PTK2: variants seen among roughly 807,000 people sequenced by gnomAD.
PTK2 encodes focal adhesion kinase 1.
A neutral mutation model predicts 150.1 loss-of-function variants in PTK2; 45 were observed. The observed-to-expected ratio is 0.30, with a 90% CI of 0.24 to 0.38. The LOEUF is 0.38. Ranked by LOEUF, PTK2 falls within the 10% of genes least tolerant of loss-of-function variation. The pLI is 1.00. For synonymous variants in PTK2, 432 were observed against 449.2 expected, an observed-to-expected ratio of 0.96 and a Z score of 0.48; for missense variants, 919 against 1,307.3, an observed-to-expected ratio of 0.70 and a Z score of 4.58.
intron 22 of PTK2, 83 bp from the exon 26 acceptor site, chr8:140,717,792 A>G: frequency 9.5e-7 from 1 of 1,051,042 alleles, no homozygotes; most frequent in Non-Finnish European, 1.5e-6. Flanking sequence ...TATCTAAGGA[A>G]CACCAGTTGG....
chr8:140,698,444 AAAT>A (rs752349716), intron 26 of PTK2, among the ~76,000 whole-genome samples: 1 of 152,188 alleles, frequency 6.6e-6, no homozygotes, highest in South Asian at 2.1e-4. Flanking sequence ...TAGTGGTAGT[AAAT>A]AATAACATAT....
intron 29 of PTK2, 68 bp from the exon 33 acceptor site, chr8:140,669,803 A>ATATT: frequency 6.9e-7 from 1 of 1,458,720 alleles, no homozygotes; most frequent in Non-Finnish European, 9.3e-7. Flanking sequence ...AAGAAAAACA[A>ATATT]TATTAATAAA....
chr8:140,839,016 CA>C (rs76386010), intron 7 of PTK2, among the ~76,000 whole-genome samples: 3 of 142,424 alleles, frequency 2.1e-5, no homozygotes, highest in African/African-American at 5.2e-5. Context: ...AAAAAAAAAA[CA>C]AAAAAAAAAC....
intron 5 of PTK2, among the ~76,000 whole-genome samples, chr8:140,847,744 C>G (rs565340719): frequency 2.0e-5 from 3 of 152,174 alleles, no homozygotes; most frequent in African/African-American, 7.2e-5. Context: ...AAACTATTTA[C>G]TCTGACCCTT....
chr8:140,676,699 G>A (rs1445513481), intron 27 of PTK2, among the ~76,000 whole-genome samples: 19 of 142,688 alleles, frequency 1.3e-4, no homozygotes, highest in Non-Finnish European at 2.7e-4. Flanking sequence ...AGGCTGAGGC[G>A]GGTGGATCAC....
Position 140,693,584 on chromosome 8 carries a change from A to T in PTK2, c.2500-6890T>A, listed in dbSNP as rs1242921472. ...TCAATTAAAAAAAAAAAAAAAAAAA[A>T]AAAAAAAAAAAAAAAAAAGGAGCAC... On this transcript the variant is annotated intron_variant, in intron 26 of 31. Coordinates refer to ENST00000522684, the Ensembl canonical transcript of PTK2. Among the ~76,000 whole-genome samples, 33 of 142,518 alleles carry T rather than the reference A, an allele frequency of 2.3e-4. 1 individual carries two copies. Among genetic ancestry groups the T allele is most frequent in the African/African-American group, 5.7e-4 (21 of 36,620 alleles). 93.5% of individuals were successfully genotyped at this position (142,518 alleles called of 152,430 possible).
In PTK2 at chr8:140,780,833, G is replaced by C. The variant is rs529350536; in HGVS notation, c.1177+8641C>G. On this transcript the variant is annotated intron_variant, in intron 14 of 31. Coordinates refer to ENST00000522684, the Ensembl canonical transcript of PTK2. ...TAACCAATAGGGATTATGTGTGTATGTAAGTGGACAGAGGCAGAGGTGAAA... is the reference window on the plus strand; with the variant it reads ...TAACCAATAGGGATTATGTGTGTATCTAAGTGGACAGAGGCAGAGGTGAAA... Among the ~76,000 whole-genome samples the C allele has an allele frequency of 2.6e-5, 4 of 152,326 alleles. No individual in the cohort carries two copies. The East Asian group carries it at 7.7e-4, about 29-fold the overall frequency.
chr8:140,928,716 A>G (rs1183963490), intron 1 of PTK2, among the ~76,000 whole-genome samples: 2 of 152,218 alleles, frequency 1.3e-5, no homozygotes, highest in Non-Finnish European at 2.9e-5. Flanking sequence ...TTACACTTAT[A>G]TAACATATCG....
At chr8:140,737,774 A>C (rs984003086) in intron 21 of PTK2, among the ~76,000 whole-genome samples, 1 of 152,140 alleles carries the variant, frequency 6.6e-6, no homozygotes, top group Non-Finnish European at 1.5e-5. Flanking sequence ...GTTAACATGT[A>C]AAAAAATAGG....
chr8:140,658,279 CTAAT>C (rs1261886531), exon 32 of PTK2: 1 of 163,910 alleles, frequency 6.1e-6, no homozygotes, highest in African/African-American at 2.4e-5. Context: ...AAAAAAGAAA[CTAAT>C]TAGTGAGAGG....
intron 2 of PTK2, among the ~76,000 whole-genome samples, chr8:140,895,156 A>T (rs1601280237): frequency 6.6e-6 from 1 of 152,228 alleles, no homozygotes; most frequent in Non-Finnish European, 1.5e-5. Flanking sequence ...AAAGAAACTC[A>T]AAGTATTTTG....
At chr8:140,818,782 C>A (rs1228963330) in intron 9 of PTK2, 98 bp downstream of exon 9, 2 of 1,296,812 alleles carry the variant, frequency 1.5e-6, no homozygotes, top group Non-Finnish European at 2.1e-6. Context: ...AAAAATGGGA[C>A]AAGTTAGCAT....
chr8:140,974,561 G>C (rs2100188572), intron 1 of PTK2, among the ~76,000 whole-genome samples: 1 of 152,326 alleles, frequency 6.6e-6, no homozygotes, highest in South Asian at 2.1e-4. Context: ...TTAGAAAACA[G>C]TTGCATGTGT....
chr8:140,920,664 T>C, intron 2 of PTK2: 1 of 691,310 alleles, frequency 1.4e-6, no homozygotes, highest in South Asian at 3.1e-5. Flanking sequence ...TTTTATGTAA[T>C]AGCTGTAAAC....
intron 1 of PTK2, among the ~76,000 whole-genome samples, chr8:140,947,606 T>G (rs2100178126): frequency 6.6e-6 from 1 of 151,824 alleles, no homozygotes; most frequent in Non-Finnish European, 1.5e-5. Context: ...AAGACTTCAA[T>G]GAAACTGAAG....
chr8:140,879,675 TGAAAAAAAAA>T, intron 3 of PTK2, 38 bp from the exon 4 acceptor site: 2 of 37,212 alleles, frequency 5.4e-5, no homozygotes, highest in Non-Finnish European at 8.5e-5. Flanking sequence ...TGTTATAAAC[TGAAAAAAAAA>T]AAAAAAAAAA....
At chr8:140,697,855 T>TTTTTG (rs2100027747) in intron 26 of PTK2, among the ~76,000 whole-genome samples, 4 of 40,448 alleles carry the variant, frequency 9.9e-5, no homozygotes, top group African/African-American at 3.9e-4. Flanking sequence ...GTTTACTGTT[T>TTTTTG]TTTTTTTTTT....
intron 30 of PTK2, among the ~76,000 whole-genome samples, chr8:140,665,472 G>A (rs1176302155): frequency 6.6e-6 from 1 of 152,106 alleles, no homozygotes; most frequent in Admixed American, 6.5e-5. Flanking sequence ...ATGCAAGGGG[G>A]CAGCCTTGCT....
intron 1 of PTK2, among the ~76,000 whole-genome samples, chr8:140,946,634 T>A (rs1267629158): frequency 6.6e-6 from 1 of 152,212 alleles, no homozygotes. Context: ...TCCTTTGTAT[T>A]TAGCTCAAAT....
Sources: allele counts gnomAD v4.1 joint callset (sites outside exome capture counted in the v4.1 genomes callset), GRCh38; gene constraint gnomAD v4.1.1; transcripts MANE v1.5; gene names NCBI Gene and HGNC (gene_info 2026-07-23, HGNC 2026-07-21).